The following HIPK1 variants were observed in gnomAD, a reference collection of about 807,000 sequenced individuals.
HIPK1 encodes the protein homeodomain interacting protein kinase 1, also known as homeodomain-interacting protein kinase 1.
A neutral mutation model predicts 117.1 loss-of-function variants in HIPK1; 28 were observed. The observed-to-expected ratio is 0.24, with a 90% CI of 0.18 to 0.33. The LOEUF (loss-of-function observed/expected upper bound fraction) is 0.33. Ranked by LOEUF, HIPK1 falls within the 10% of genes least tolerant of loss-of-function variation. HIPK1 has a pLI of 1.00. For missense variants in HIPK1, 1,122 were observed against 1,475.1 expected (o/e 0.76, Z 3.92); for synonymous variants, 605 against 562.5 (o/e 1.08, Z -1.07).
At position 113,958,267 on chromosome 1, in the gene HIPK1, A is replaced by G; in HGVS notation, c.1957A>G (p.Ile653Val). The stretch of plus-strand genomic sequence containing the variant: ...GACAGATCCATTCCAACAGACATTT[A>G]TAGTATGTCCACCTGCGTTTCAAAG... The part of the protein sequence containing the change: ...TQTDPFQQTF[I>V]VCPPAFQTGL... Residue 653 changes from isoleucine to valine, a missense_variant, in exon 8 of 16, where the codon ATA becomes GTA. Coordinates refer to ENST00000426820, the MANE Select transcript of HIPK1 (RefSeq NM_198268.3). The G allele has an allele frequency of 6.2e-7, 1 of 1,613,930 alleles. No homozygotes were observed. The highest frequency in any genetic ancestry group is 8.5e-7 in the Non-Finnish European group (1 of 1,179,860).
chr1:113,969,605 A>G (rs1284898712), intron 13 of HIPK1, among the ~76,000 whole-genome samples: 1 of 152,122 alleles, frequency 6.6e-6, no homozygotes, highest in Non-Finnish European at 1.5e-5. Context: ...CATCTAAGAA[A>G]CATTGCTTAA....
chr1:113,940,485 A>G lies in HIPK1; in HGVS notation c.102A>G (p.Ser34=). The G allele has an allele frequency of 6.2e-7, 1 of 1,614,166 alleles. No individual in the cohort carries two copies. The stretch of plus-strand genomic sequence containing the variant: ...TAGAGCCCTCTGGCTGGGATGTTTC[A>G]GGACAGAGTAGCAACGACAAATATT... The part of the protein sequence containing the change: ...LKIEPSGWDV[S]GQSSNDKYYT... The change falls in exon 2 of 16, where the codon TCA becomes TCG. Residue 34 remains serine, a synonymous_variant. Coordinates refer to ENST00000426820, the MANE Select transcript of HIPK1 (RefSeq NM_198268.3).
intron 13 of HIPK1, 73 bp from the exon 14 acceptor site, chr1:113,969,883 G>A (rs916281330): frequency 1.9e-6 from 3 of 1,540,578 alleles, no homozygotes; most frequent in African/African-American, 2.7e-5. Flanking sequence ...CTCCAGCCTG[G>A]GTGACAGAAC....
chr1:113,972,283 T>TC (rs1338705364), intron 15 of HIPK1, among the ~76,000 whole-genome samples: 2 of 152,244 alleles, frequency 1.3e-5, no homozygotes, highest in African/African-American at 4.8e-5. Flanking sequence ...ATTCTCTTTA[T>TC]CCCCCAGGCC....
chr1:113,972,145 A>G, intron 15 of HIPK1, 191 bp downstream of exon 15: 1 of 1,481,618 alleles, frequency 6.7e-7, no homozygotes, highest in Non-Finnish European at 9.0e-7. Context: ...TGTGTTCAGG[A>G]TGTACATTCT....
At position 113,976,066 on chromosome 1, in the gene HIPK1, C is replaced by T. The variant is rs1407191875; in HGVS notation, c.*2554C>T. ...GATTTCATGGAGCCTGGTCAGCCAG[C>T]TCTGTACCAGGTTGAACACCGAGGA... On this transcript the variant is annotated 3_prime_UTR_variant, in exon 16 of 16. Transcript: ENST00000426820. The T allele has an allele frequency of 6.5e-6, 1 of 152,776 alleles. No individual in the cohort carries two copies. Among genetic ancestry groups the T allele is most frequent in the Non-Finnish European group, 1.5e-5 (1 of 68,068 alleles). 9.5% of individuals were successfully genotyped at this position (152,776 alleles called of 1,614,324 possible). A position where few individuals can be genotyped will look rare whatever the true frequency, so the allele number is the denominator to read the frequency against.
chr1:113,971,820 T>G lies in HIPK1; in HGVS notation c.3014-4T>G. 6.3e-7 allele frequency: 1 copy of G among 1,588,694 alleles called. No individual in the cohort carries two copies. The highest frequency in any genetic ancestry group is 8.5e-7 in the Non-Finnish European group (1 of 1,172,504). ...CATAACTATTAAGCCTGGTGCTTTT[T>G]TAGGTCTCCTGAGCAATAAGACTAA... On this transcript the variant is annotated splice_region_variant and splice_polypyrimidine_tract_variant and intron_variant, in intron 14 of 15. Coordinates refer to ENST00000426820, the MANE Select transcript of HIPK1 (RefSeq NM_198268.3).
chr1:113,942,962 A>C (rs1670750069), intron 2 of HIPK1, among the ~76,000 whole-genome samples: 1 of 152,218 alleles, frequency 6.6e-6, no homozygotes, highest in Non-Finnish European at 1.5e-5. Context: ...CTGTAATAAA[A>C]TTTGAGGAAA....
chr1:113,952,898 G>GTT lies in HIPK1; in HGVS notation c.1200+11_1200+12dup, dbSNP rs1223215488. The stretch of plus-strand genomic sequence containing the variant: ...CTTCAGAATATGATCAGGTAAAAGT[G>GTT]TTTATTTGAATGGAAATAGAATGCA... On this transcript the variant is annotated intron_variant, in intron 3 of 15. Coordinates refer to ENST00000426820, the MANE Select transcript of HIPK1 (RefSeq NM_198268.3). 6.8e-7 allele frequency: 1 copy of GTT among 1,478,628 alleles called. No individual in the cohort carries two copies. Among genetic ancestry groups the GTT allele is most frequent in the East Asian group, 2.5e-5 (1 of 40,084 alleles). 91.6% of individuals were successfully genotyped at this position (1,478,628 alleles called of 1,614,324 possible).
chr1:113,958,308 C>A lies in HIPK1; in HGVS notation c.1981+17C>A, dbSNP rs764653911. ...CGTTTCAAAGTAAGTGGGGAAACTCCTGTATCATATGGTATTGTATCAGAC... is the reference window on the plus strand; with the variant it reads ...CGTTTCAAAGTAAGTGGGGAAACTCATGTATCATATGGTATTGTATCAGAC... On this transcript the variant is annotated intron_variant, in intron 8 of 15. Coordinates refer to ENST00000426820, the MANE Select transcript of HIPK1 (RefSeq NM_198268.3). 4 of 1,556,712 alleles carry A rather than the reference C, an allele frequency of 2.6e-6. No homozygotes were observed. The Admixed American group carries it at 6.9e-5, about 27-fold the overall frequency.
Position 113,956,953 on chromosome 1 carries a change from A to T in HIPK1, c.1592+142A>T, listed in dbSNP as rs1478898647. On this transcript the variant is annotated intron_variant, in intron 6 of 15. Transcript: ENST00000426820. ...TGCTTTTCTTTCTCATTGAAACATC[A>T]TAAGATAAAAATTAGATGTGTATTT... The T allele has an allele frequency of 3.3e-6, 3 of 916,292 alleles. No homozygotes were observed. The East Asian group carries it at 7.6e-5, about 23-fold the overall frequency. 56.8% of individuals were successfully genotyped at this position (916,292 alleles called of 1,614,324 possible).
At chr1:113,935,956 C>T (rs1165188775) in intron 1 of HIPK1, among the ~76,000 whole-genome samples, 1 of 152,196 alleles carries the variant, frequency 6.6e-6, no homozygotes, top group African/African-American at 2.4e-5. Flanking sequence ...TGTTTGAAAG[C>T]TCTCCACCTA....
At position 113,954,843 on chromosome 1, in the gene HIPK1, G is replaced by T. The variant is rs933292829; in HGVS notation, c.1320+73G>T. ...TCCCCAATTTTGAATTCAAAGTTTA[G>T]TTATTAAATTCTTCAGGTAGAGAAG... is the stretch of plus-strand genomic sequence containing the variant. On this transcript the variant is annotated intron_variant, in intron 4 of 15. Transcript: ENST00000426820. 5.2e-6 allele frequency: 7 copies of T among 1,340,108 alleles called. No individual in the cohort carries two copies. In the Middle Eastern group the frequency reaches 5.6e-4, roughly 106 times the overall value. The allele number at this position is 1,340,108 out of a possible 1,614,324, so 83.0% of individuals were successfully genotyped here. A position where few individuals can be genotyped will look rare whatever the true frequency, so the allele number is the denominator to read the frequency against.
Position 113,957,166 on chromosome 1 carries a change from G to T in HIPK1, c.1635G>T (p.Arg545Ser). 1 of 1,613,546 alleles carries T rather than the reference G, an allele frequency of 6.2e-7. No individual in the cohort carries two copies. Among genetic ancestry groups the T allele is most frequent in the East Asian group, 2.2e-5 (1 of 44,862 alleles). Residue 545 changes from arginine (R) to serine (S), a missense_variant, in exon 7 of 16, where the codon AGG (arginine) becomes AGT (serine). Transcript: ENST00000426820. ...AGAACATGGAGATCTGCAAGCGGAG[G>T]GTTCACATGTATGATACAGTGAGTC... Reference protein sequence around the residue: ...CFQNMEICKRRVHMYDTVSQI... With the variant: ...CFQNMEICKRSVHMYDTVSQI...
rs1672434041 is a variant in HIPK1 at position 113,966,182 on chromosome 1, A to G, written c.2291A>G (p.Gln764Arg). The G allele has an allele frequency of 6.2e-7, 1 of 1,613,978 alleles. No homozygotes were observed. The highest frequency in any genetic ancestry group is 1.7e-5 in the Admixed American group (1 of 59,994). ...QQILLPSTWQ[Q>R]LPGVALHNSV... is the part of the protein sequence containing the mutation. Reference sequence around the variant, plus strand: ...ATTCTCCTGCCTTCAACTTGGCAACAGTTGCCTGGGGTAGCTCTACACAAC... The same window carrying G: ...ATTCTCCTGCCTTCAACTTGGCAACGGTTGCCTGGGGTAGCTCTACACAAC... Residue 764 changes from glutamine to arginine, a missense_variant, in exon 11 of 16, where the codon CAG becomes CGG. Gln to Arg is a conservative substitution (Grantham distance 43, BLOSUM62 1). Transcript: ENST00000426820.
At chr1:113,937,276 T>G (rs1209290081) in intron 1 of HIPK1, among the ~76,000 whole-genome samples, 1 of 152,216 alleles carries the variant, frequency 6.6e-6, no homozygotes, top group Non-Finnish European at 1.5e-5. Context: ...GCAGGTGGTT[T>G]CTAGTTGTAT....
intron 8 of HIPK1, among the ~76,000 whole-genome samples, chr1:113,961,942 CAAAAAAAAAAAAAAAAA>C (rs957986733): frequency 6.2e-5 from 2 of 32,304 alleles, no homozygotes; most frequent in African/African-American, 1.9e-4. Context: ...GACTCCATCT[CAAAAAAAAAAAAAAAAA>C]AAAAAAAAAA....
At chr1:113,942,175 A>G (rs1043917270) in intron 2 of HIPK1, among the ~76,000 whole-genome samples, 43 of 146,706 alleles carry the variant, frequency 2.9e-4, no homozygotes, top group Non-Finnish European at 4.8e-4. Context: ...TTCTCCTGCT[A>G]CTCCTGTCCT....
In HIPK1 at chr1:113,963,506, G is replaced by C. The variant is rs1028507663; in HGVS notation, c.2223G>C (p.Gln741His). ...CCGGCCGGCCGGCGCTGGTTGAACAGACTGCCGCTGTACTGGTAATTCCCC... is the reference window on the plus strand; with the variant it reads ...CCGGCCGGCCGGCGCTGGTTGAACACACTGCCGCTGTACTGGTAATTCCCC... ...CAAGRPALVE[Q>H]TAAVLQAWPG... Residue 741 changes from glutamine to histidine, a missense_variant, in exon 10 of 16, where the codon CAG (glutamine) becomes CAC (histidine). By Grantham distance (24) the Gln-to-His change is conservative. Around this residue, in one of 6 missense-constraint regions of HIPK1, gnomAD observed 731 missense variants for 860.4 expected, o/e 0.85. Coordinates refer to ENST00000426820, the MANE Select transcript of HIPK1 (RefSeq NM_198268.3). The C allele has an allele frequency of 1.9e-6, 3 of 1,614,006 alleles. No homozygotes were observed. Among genetic ancestry groups the C allele is most frequent in the Non-Finnish European group, 2.5e-6 (3 of 1,179,996 alleles).
Sources: gnomAD v4.1 joint callset for allele counts (sites outside exome capture counted in the v4.1 genomes callset) on GRCh38, gnomAD v4.1.1 for gene constraint, gnomAD v4.1.1 regional missense constraint, MANE v1.5 for transcripts, NCBI Gene and HGNC (gene_info 2026-07-23, HGNC 2026-07-21) for gene names.